Variants in COL4A4 observed in about 807,000 individuals in gnomAD.
COL4A4 encodes collagen type IV alpha 4 chain, also known as collagen alpha-4(IV) chain.
Under a neutral mutation model 192.9 loss-of-function variants are expected in COL4A4, and 105 were observed. The ratio of observed to expected loss-of-function variants is 0.54; its 90% confidence interval spans 0.46 to 0.64. The LOEUF is 0.64. Ranked by LOEUF, COL4A4 falls within the 30% of genes least tolerant of loss-of-function variation. The pLI is 0.00. For missense variants in COL4A4, 1,967 were observed against 2,169.3 expected (o/e 0.91, Z 1.85); for synonymous variants, 762 against 769.9 (o/e 0.99, Z 0.17).
chr2:227,110,859 T>G (rs1395517806), intron 9 of COL4A4, among the ~76,000 whole-genome samples: 2 of 151,612 alleles, frequency 1.3e-5, no homozygotes, highest in African/African-American at 4.9e-5. Context: ...ATTTCGTATT[T>G]TTAGTAGATA....
chr2:227,118,619 GT>G (rs755468170), intron 7 of COL4A4, 25 bp downstream of exon 7: 1 of 1,522,054 alleles, frequency 6.6e-7, no homozygotes, highest in South Asian at 1.1e-5. Flanking sequence ...TAAGATTCCT[GT>G]TAAGATGAAC....
At chr2:226,987,225 A>G in the COL4A4 span, among the ~76,000 whole-genome samples, 1 of 152,188 alleles carries the variant, frequency 6.6e-6, no homozygotes, top group Admixed American at 6.5e-5. Context: ...TACCCAATGC[A>G]TCTGGGGCTT....
rs751906941 is a variant in COL4A4, at chr2:227,027,818, A to G, written c.4081+84T>C. The G allele has an allele frequency of 3.1e-6, 3 of 963,438 alleles. No homozygotes were observed. In the African/African-American group the frequency reaches 4.8e-5, roughly 16 times the overall value. The allele number at this position is 963,438 out of a possible 1,614,324, so 59.7% of individuals were successfully genotyped here. ...GCTTAAATAATAAGAATGTGCTAGTAATTCAGAATATTAACTACTTTCTGA... is the reference window on the plus strand; with the variant it reads ...GCTTAAATAATAAGAATGTGCTAGTGATTCAGAATATTAACTACTTTCTGA... On this transcript the variant is annotated intron_variant, in intron 42 of 47. Transcript: ENST00000396625.
intron 22 of COL4A4, among the ~76,000 whole-genome samples, chr2:227,084,848 C>T (rs887406699): frequency 2.0e-5 from 3 of 152,058 alleles, no homozygotes; most frequent in Admixed American, 1.3e-4. Flanking sequence ...AACTCCTCTC[C>T]GGGCTGGGCA....
intron 7 of COL4A4, 85 bp downstream of exon 7, chr2:227,118,560 T>C (rs1039709031): frequency 1.4e-5 from 15 of 1,040,726 alleles, no homozygotes; most frequent in Non-Finnish European, 2.3e-5. Context: ...TTGTATTAAC[T>C]CTGTTTCTTG....
intron 44 of COL4A4, among the ~76,000 whole-genome samples, chr2:227,012,780 G>A (rs1173702090): frequency 1.3e-5 from 2 of 152,144 alleles, no homozygotes; most frequent in Non-Finnish European, 2.9e-5. Flanking sequence ...CATGATAGGT[G>A]CAGCAATTTT....
At position 227,043,088 on chromosome 2, in the gene COL4A4, G is replaced by C. The variant is rs762116418; in HGVS notation, c.3386C>G (p.Pro1129Arg). 1 of 1,612,854 alleles carries C rather than the reference G, an allele frequency of 6.2e-7. No individual in the cohort carries two copies. The highest frequency in any genetic ancestry group is 1.7e-5 in the Admixed American group (1 of 60,022). ...TCCTTTCAAGGTACCTGGGCACCCT[G>C]GTGGTCCAGAGGAGCCAGGTGGCCC... ...RPGPPGSSGP[P>R]GCPGDHGMPG... Residue 1129 changes from proline (P) to arginine (R), a missense_variant, in exon 36 of 48, where the codon CCA becomes CGA. By Grantham distance (103) the Pro-to-Arg change is moderately radical. Coordinates refer to ENST00000396625, the MANE Select transcript of COL4A4 (RefSeq NM_000092.5).
intron 25 of COL4A4, among the ~76,000 whole-genome samples, chr2:227,066,896 G>A (rs1404207419): frequency 2.0e-5 from 3 of 151,226 alleles, no homozygotes; most frequent in African/African-American, 7.3e-5. Context: ...TGGACTAAAT[G>A]CTCCAATTAA....
At chr2:227,085,280 G>T (rs916230416) in intron 22 of COL4A4, among the ~76,000 whole-genome samples, 3 of 152,140 alleles carry the variant, frequency 2.0e-5, no homozygotes, top group African/African-American at 4.8e-5. Flanking sequence ...GGGTAGGCAT[G>T]GGGGGAATCA....
At chr2:226,967,501 A>G in the COL4A4 span, among the ~76,000 whole-genome samples, 4 of 151,724 alleles carry the variant, frequency 2.6e-5, no homozygotes, top group African/African-American at 9.7e-5. Flanking sequence ...GTCATTTAAC[A>G]TTAGGTATAT....
chr2:227,001,721 T>C (rs1357105631), downstream of COL4A4, among the ~76,000 whole-genome samples: 1 of 152,112 alleles, frequency 6.6e-6, no homozygotes, highest in Non-Finnish European at 1.5e-5. Context: ...GTCTGCAAAA[T>C]AGGACAGCTG....
the COL4A4 span, among the ~76,000 whole-genome samples, chr2:226,985,447 T>C: frequency 2.0e-5 from 3 of 152,260 alleles, no homozygotes; most frequent in Middle Eastern, 3.2e-3. Flanking sequence ...CTGCTTACGA[T>C]GCGGAATGCT....
chr2:227,047,399 C>G, intron 35 of COL4A4, 76 bp downstream of exon 35: 1 of 1,030,210 alleles, frequency 9.7e-7, no homozygotes, highest in South Asian at 1.3e-5. Context: ...ACGATCATTG[C>G]CAGCTAGAAG....
chr2:226,969,732 A>G, the COL4A4 span, among the ~76,000 whole-genome samples: 1 of 152,216 alleles, frequency 6.6e-6, no homozygotes, highest in Admixed American at 6.5e-5. Flanking sequence ...TGAGTCACTT[A>G]TGCCTAAGTC....
chr2:227,158,713 C>T (rs1295847976), intron 1 of COL4A4, among the ~76,000 whole-genome samples: 1 of 147,208 alleles, frequency 6.8e-6, no homozygotes, highest in Non-Finnish European at 1.5e-5. Flanking sequence ...TCAATAAGTA[C>T]ATTAAAAGAT....
intron 35 of COL4A4, among the ~76,000 whole-genome samples, chr2:227,043,736 T>C (rs1971906645): frequency 6.6e-6 from 1 of 152,224 alleles, no homozygotes; most frequent in African/African-American, 2.4e-5. Context: ...GCTGAAGTAT[T>C]TTAAAGTACA....
intron 11 of COL4A4, 71 bp from the exon 12 acceptor site, chr2:227,108,693 T>C: frequency 6.4e-7 from 1 of 1,571,890 alleles, no homozygotes; most frequent in Non-Finnish European, 8.8e-7. Context: ...AATTAAGACT[T>C]CTGGCTACAC....
intron 23 of COL4A4, 28 bp downstream of exon 23, chr2:227,082,086 CA>C: frequency 6.3e-7 from 1 of 1,590,298 alleles, no homozygotes. Flanking sequence ...CATAAAATGG[CA>C]GGGAGTTAAG....
chr2:227,142,144 G>A (rs911321317), intron 3 of COL4A4, among the ~76,000 whole-genome samples: 2 of 148,482 alleles, frequency 1.3e-5, no homozygotes, highest in Non-Finnish European at 3.0e-5. Flanking sequence ...ATCAAGGTTT[G>A]ACTTGGATCA....
Sources: allele counts gnomAD v4.1 joint callset (sites outside exome capture counted in the v4.1 genomes callset), GRCh38; gene constraint gnomAD v4.1.1; transcripts MANE v1.5; gene names NCBI Gene and HGNC (gene_info 2026-07-23, HGNC 2026-07-21).